The following CEP85 variants were observed in gnomAD, a reference collection of about 807,000 sequenced individuals.
The protein encoded by CEP85 is centrosomal protein 85.
Under a neutral mutation model 93.7 loss-of-function variants are expected in CEP85, and 58 were observed. The observed-to-expected ratio is 0.62, with a 90% confidence interval of 0.50 to 0.77. The LOEUF (loss-of-function observed/expected upper bound fraction) is 0.77. CEP85 is among the 30% of genes least tolerant of loss of function. The pLI is 0.00. For missense variants in CEP85, 868 were observed against 922.0 expected (o/e 0.94, Z 0.76); for synonymous variants, 314 against 338.6 (o/e 0.93, Z 0.80).
At chr1:26,269,411 T>G (rs1165603370) in intron 8 of CEP85, 49 bp from the exon 9 acceptor site, 1 of 1,586,940 alleles carries the variant, frequency 6.3e-7, no homozygotes, top group Non-Finnish European at 8.6e-7. Context: ...GCATTTTGCA[T>G]TTATAACACT....
At position 26,244,280 on chromosome 1, in the gene CEP85, A is replaced by G. The variant is rs756605710; in HGVS notation, c.170A>G (p.Asp57Gly). 5.6e-6 allele frequency: 9 copies of G among 1,614,010 alleles called. No individual in the cohort carries two copies. The South Asian group carries it at 9.9e-5, about 18-fold the overall frequency. ...SRCSSVADSG[D>G]TAIGTSCSDI... is the part of the protein sequence containing the mutation. ...TGTTCAAGTGTAGCCGACAGTGGGGACACAGCCATTGGTACATCATGCTCA... is the reference window on the plus strand; with the variant it reads ...TGTTCAAGTGTAGCCGACAGTGGGGGCACAGCCATTGGTACATCATGCTCA... Residue 57 changes from aspartate (D) to glycine (G), a missense_variant, in exon 3 of 14, where the codon GAC becomes GGC. Coordinates refer to ENST00000451429, the MANE Select transcript of CEP85 (RefSeq NM_001319944.2).
chr1:26,260,124 C>T (rs1337770144), intron 7 of CEP85, among the ~76,000 whole-genome samples: 2 of 152,230 alleles, frequency 1.3e-5, no homozygotes, highest in African/African-American at 4.8e-5. Context: ...CCAGGTGGCA[C>T]TGTTGCAAAA....
chr1:26,243,958 A>G (rs570734544), intron 2 of CEP85, among the ~76,000 whole-genome samples: 1 of 144,602 alleles, frequency 6.9e-6, no homozygotes, highest in East Asian at 2.0e-4. Flanking sequence ...GCGCCACTGC[A>G]CTCAAGCCTG....
intron 3 of CEP85, among the ~76,000 whole-genome samples, chr1:26,245,684 A>G (rs1447529965): frequency 6.6e-6 from 1 of 152,182 alleles, no homozygotes; most frequent in African/African-American, 2.4e-5. Context: ...TAGATACTAT[A>G]AATTTTTTCT....
intron 11 of CEP85, among the ~76,000 whole-genome samples, chr1:26,272,643 TTG>T (rs1491439702): frequency 4.1e-5 from 6 of 145,736 alleles, no homozygotes; most frequent in African/African-American, 1.0e-4. Flanking sequence ...TTTTTTTTTT[TTG>T]GAGACAGAGT....
At chr1:26,266,102 G>C (rs946900204) in intron 7 of CEP85, among the ~76,000 whole-genome samples, 1 of 151,960 alleles carries the variant, frequency 6.6e-6, no homozygotes, top group Non-Finnish European at 1.5e-5. Context: ...CCAGCTCCTC[G>C]GGAGGCTGAG....
At chr1:26,259,515 T>G in intron 6 of CEP85, 102 bp from the exon 7 acceptor site, 1 of 1,118,210 alleles carries the variant, frequency 8.9e-7, no homozygotes. Context: ...AAGAGATTCT[T>G]GGAGAAAAAT....
rs372492132 is a variant in CEP85, at chr1:26,269,621, A to C, written c.1649+7A>C. 12 of 1,611,218 alleles carry C rather than the reference A, an allele frequency of 7.4e-6. No individual in the cohort carries two copies. Among genetic ancestry groups the C allele is most frequent in the African/African-American group, 1.3e-5 (1 of 74,838 alleles). ...TCTCCTCCGCTGGACATAGGTAAAT[A>C]ACCCTGTGGGACTGAGAGGAGTGGA... On this transcript the variant is annotated splice_region_variant and intron_variant, in intron 9 of 13. Coordinates refer to ENST00000451429, the MANE Select transcript of CEP85 (RefSeq NM_001319944.2).
At chr1:26,270,225 G>T (rs1157052680) in intron 9 of CEP85, among the ~76,000 whole-genome samples, 1 of 152,204 alleles carries the variant, frequency 6.6e-6, no homozygotes, top group Non-Finnish European at 1.5e-5. Context: ...ACTGGGAAAT[G>T]AGGTGTCTGT....
rs1445914217 is a variant in CEP85, at chr1:26,272,014, C to T, written c.1744-7C>T. ...TCGCAGCCTTCCTTGATAACTTTGC[C>T]TTTCAGATTGTGGAGAAGCAGCAGC... On this transcript the variant is annotated splice_region_variant and splice_polypyrimidine_tract_variant and intron_variant, in intron 10 of 13. Transcript: ENST00000451429. The T allele has an allele frequency of 1.2e-6, 2 of 1,614,006 alleles. No homozygotes were observed. Among genetic ancestry groups the T allele is most frequent in the Non-Finnish European group, 1.7e-6 (2 of 1,179,972 alleles).
intron 3 of CEP85, among the ~76,000 whole-genome samples, chr1:26,248,877 C>T (rs1002484558): frequency 1.3e-5 from 2 of 151,636 alleles, no homozygotes. Flanking sequence ...CAGGCACCCG[C>T]CACTACGCCC....
chr1:26,248,369 C>T (rs970076759), intron 3 of CEP85, among the ~76,000 whole-genome samples: 1 of 152,184 alleles, frequency 6.6e-6, no homozygotes, highest in Non-Finnish European at 1.5e-5. Context: ...TACATTGCTA[C>T]ACAGATTGTG....
chr1:26,245,187 ATT>A (rs5773150), intron 3 of CEP85, among the ~76,000 whole-genome samples: 42 of 144,268 alleles, frequency 2.9e-4, no homozygotes, highest in South Asian at 6.6e-4. Flanking sequence ...ACACCCAGCT[ATT>A]TTTTTTTTTT....
rs767727092 is a variant in CEP85, at chr1:26,257,721, T to A, written c.1028T>A (p.Leu343His). ...CACCTTCTGAAGGAAAAAGAGCTTC[T>A]CATTGACAAGTAAGAGGGCAAGGGG... Reference protein sequence around the residue: ...NEHLLKEKELLIDKQRKHISQ... With the variant: ...NEHLLKEKELHIDKQRKHISQ... Residue 343 changes from leucine to histidine, a missense_variant, in exon 5 of 14, where the codon CTC (leucine) becomes CAC (histidine). Leu to His is a moderately conservative substitution (Grantham distance 99). Transcript: ENST00000451429. 2.8e-5 allele frequency: 45 copies of A among 1,613,976 alleles called. 1 individual carries two copies. Among genetic ancestry groups the A allele is most frequent in the Admixed American group, 3.3e-5 (2 of 59,986 alleles).
At chr1:26,253,306 C>G (rs2089647147) in intron 3 of CEP85, among the ~76,000 whole-genome samples, 1 of 151,826 alleles carries the variant, frequency 6.6e-6, no homozygotes, top group Admixed American at 6.6e-5. Context: ...CCATTGTTTT[C>G]CACAGTGGCT....
chr1:26,245,979 C>A (rs200257426), intron 3 of CEP85, among the ~76,000 whole-genome samples: 1 of 147,940 alleles, frequency 6.8e-6, no homozygotes. Context: ...GACCCTGTCT[C>A]AAAAAAAAAA....
At chr1:26,244,113 T>C in intron 2 of CEP85, 53 bp from the exon 3 acceptor site, 1 of 1,551,520 alleles carries the variant, frequency 6.4e-7, no homozygotes, top group Non-Finnish European at 8.8e-7. Context: ...AAAGATCTGA[T>C]GGGGTTACAT....
At chr1:26,245,486 G>A (rs6669400) in intron 3 of CEP85, among the ~76,000 whole-genome samples, 133,092 of 152,064 alleles carry the variant, frequency 0.88, 59,199 homozygotes, top group Non-Finnish European at 0.93. Context: ...CATCCCTTAC[G>A]CTCATTAGTC....
At chr1:26,256,317 G>T (rs1181230510) in intron 4 of CEP85, among the ~76,000 whole-genome samples, 1 of 152,034 alleles carries the variant, frequency 6.6e-6, no homozygotes, top group Non-Finnish European at 1.5e-5. Context: ...AGGCCGAGGC[G>T]GGCAGGAGTT....
Sources: allele counts gnomAD v4.1 joint callset (sites outside exome capture counted in the v4.1 genomes callset), GRCh38; gene constraint gnomAD v4.1.1; transcripts MANE v1.5; gene names NCBI Gene and HGNC (gene_info 2026-07-23, HGNC 2026-07-21).